PFKFB3: variants seen among roughly 807,000 people sequenced by gnomAD.
PFKFB3 encodes the protein 6-phosphofructo-2-kinase/fructose-2,6-bisphosphatase 3.
A neutral mutation model predicts 68.0 loss-of-function variants in PFKFB3; 33 were observed. The observed-to-expected ratio is 0.49, with a 90% CI of 0.37 to 0.65. The LOEUF is 0.65. PFKFB3 is among the 30% of genes least tolerant of loss of function. The pLI, the probability that PFKFB3 is intolerant of heterozygous loss-of-function variation, is 0.00. For missense variants in PFKFB3, 586 were observed against 712.2 expected, an observed-to-expected ratio of 0.82 and a Z score of 2.02; for synonymous variants, 315 against 288.2, an observed-to-expected ratio of 1.09 and a Z score of -0.94.
chr10:6,213,246 G>T (rs993858784), intron 1 of PFKFB3, among the ~76,000 whole-genome samples: 5 of 152,094 alleles, frequency 3.3e-5, no homozygotes, highest in Non-Finnish European at 7.4e-5. Context: ...TGAAAATTTC[G>T]ATGAATGCTG....
rs900215041 is a variant in PFKFB3 at position 6,203,163 on chromosome 10, C to T, written c.-98C>T. ...ACGCCCGGCCGCGCGCCGGCGCACG[C>T]CCCCCTCTCCTCCTTTGTTCCGGGG... is the stretch of plus-strand genomic sequence containing the variant. On this transcript the variant is annotated 5_prime_UTR_variant, in exon 1 of 15. Transcript: ENST00000379775. 3.3e-6 allele frequency: 5 copies of T among 1,521,782 alleles called. No individual in the cohort carries two copies. The highest frequency in any genetic ancestry group is 5.1e-5 in the East Asian group (2 of 39,218). The allele number at this position is 1,521,782 out of a possible 1,614,324, so 94.3% of individuals were successfully genotyped here.
exon 15 of PFKFB3, chr10:6,254,197 C>G (rs1386628323): frequency 7.6e-6 from 3 of 396,590 alleles, no homozygotes; most frequent in African/African-American, 4.2e-5. Flanking sequence ...AGTGGAATTC[C>G]TGGAAGGGAC....
chr10:6,162,457 C>T (rs969322207), intron 1 of PFKFB3, among the ~76,000 whole-genome samples: 11 of 152,148 alleles, frequency 7.2e-5, no homozygotes, highest in Admixed American at 5.2e-4. Flanking sequence ...TTGAGTGAAA[C>T]ACTTATCAGA....
the PFKFB3 span, among the ~76,000 whole-genome samples, chr10:6,290,665 AC>A: frequency 3.3e-5 from 5 of 151,844 alleles, no homozygotes; most frequent in Admixed American, 1.3e-4. Flanking sequence ...TGCCCAGCTA[AC>A]TTTTTTTTTG....
the PFKFB3 span, among the ~76,000 whole-genome samples, chr10:6,291,888 C>T: frequency 6.6e-6 from 1 of 151,022 alleles, no homozygotes; most frequent in African/African-American, 2.4e-5. Context: ...GAACAATCAT[C>T]ACCATCTCTT....
Position 6,228,111 on chromosome 10 carries a change from G to A in PFKFB3, c.1515+1746G>A, listed in dbSNP as rs966243705. 6.8e-7 allele frequency: 1 copy of A among 1,478,792 alleles called. No homozygotes were observed. Among genetic ancestry groups the A allele is most frequent in the Non-Finnish European group, 9.4e-7 (1 of 1,059,798 alleles). 91.6% of individuals were successfully genotyped at this position (1,478,792 alleles called of 1,614,324 possible). A position where few individuals can be genotyped will look rare whatever the true frequency, so the allele number is the denominator to read the frequency against. ...AGGGACGTCTGAAGCTGCTGGCTGG[G>A]CCGGCGTGGGGTTTTTCAGGGCTTC... On this transcript the variant is annotated intron_variant, in intron 14 of 14. Coordinates refer to ENST00000379775, the MANE Select transcript of PFKFB3 (RefSeq NM_004566.4). The surrounding 1 kb of genome is among the most constrained non-coding windows in gnomAD (Gnocchi z 4.5).
chr10:6,230,447 GATA>G, intron 14 of PFKFB3, among the ~76,000 whole-genome samples: 1 of 152,148 alleles, frequency 6.6e-6, no homozygotes, highest in South Asian at 2.1e-4. Flanking sequence ...GTAATATGGA[GATA>G]ATAACTTCAT....
intron 14 of PFKFB3, among the ~76,000 whole-genome samples, chr10:6,231,943 G>A (rs1407101421): frequency 6.6e-6 from 1 of 152,094 alleles, no homozygotes; most frequent in African/African-American, 2.4e-5. Context: ...TCTGGCCCAC[G>A]CCTGGGCGAT....
chr10:6,221,031 G>A (rs1206781803), intron 8 of PFKFB3, among the ~76,000 whole-genome samples, 166 bp downstream of exon 8: 1 of 87,916 alleles, frequency 1.1e-5, no homozygotes, highest in Non-Finnish European at 3.3e-5. Context: ...GCATATCTGT[G>A]TGCATCTCTG....
chr10:6,164,607 C>A (rs1351715325), intron 1 of PFKFB3, among the ~76,000 whole-genome samples: 1 of 151,964 alleles, frequency 6.6e-6, no homozygotes, highest in African/African-American at 2.4e-5. Context: ...ACTCAGCATA[C>A]GAAGGACCCG....
intron 1 of PFKFB3, among the ~76,000 whole-genome samples, chr10:6,179,127 A>G (rs1252112600): frequency 6.6e-6 from 1 of 152,278 alleles, no homozygotes; most frequent in African/African-American, 2.4e-5. Flanking sequence ...GAAGAAAAAC[A>G]GTGAACACTT....
downstream of PFKFB3, among the ~76,000 whole-genome samples, chr10:6,240,503 A>T (rs1021478262): frequency 2.0e-5 from 3 of 152,026 alleles, no homozygotes; most frequent in Non-Finnish European, 2.9e-5. Context: ...ACCTCAGGTG[A>T]TCCGCCCGCC....
the PFKFB3 span, among the ~76,000 whole-genome samples, chr10:6,288,518 A>G: frequency 1.3e-5 from 2 of 151,620 alleles, no homozygotes; most frequent in Admixed American, 6.6e-5. Flanking sequence ...CCATGTCCCT[A>G]CAAAGGACAT....
At chr10:6,284,777 TAC>T in the PFKFB3 span, among the ~76,000 whole-genome samples, 1,348 of 152,294 alleles carry the variant, frequency 8.9e-3, 26 homozygotes, top group African/African-American at 0.031. Context: ...GCCTCTATGT[TAC>T]ATTCTTTCCC....
intron 1 of PFKFB3, among the ~76,000 whole-genome samples, chr10:6,167,873 A>C (rs1842188785): frequency 6.6e-6 from 1 of 152,180 alleles, no homozygotes; most frequent in Admixed American, 6.5e-5. Flanking sequence ...CCCAGCCCTA[A>C]GCGACACTGT....
At chr10:6,324,581 C>A in the PFKFB3 span, among the ~76,000 whole-genome samples, 1 of 152,228 alleles carries the variant, frequency 6.6e-6, no homozygotes, top group East Asian at 1.9e-4. Context: ...CACCCGCCAC[C>A]ACGACCAGCT....
At chr10:6,145,760 T>C (rs1841367482) in intron 1 of PFKFB3, among the ~76,000 whole-genome samples, 1 of 152,124 alleles carries the variant, frequency 6.6e-6, no homozygotes. Context: ...GGCCCGCTGA[T>C]GAGCGCGGCC....
At chr10:6,185,344 A>G (rs1346693893) in intron 1 of PFKFB3, among the ~76,000 whole-genome samples, 1 of 152,256 alleles carries the variant, frequency 6.6e-6, no homozygotes, top group African/African-American at 2.4e-5. Flanking sequence ...TCACAGTGGC[A>G]GGAGGGTTAG....
At chr10:6,254,235 G>A (rs553956472) in exon 15 of PFKFB3, 71 of 398,442 alleles carry the variant, frequency 1.8e-4, no homozygotes, top group African/African-American at 1.4e-3. Flanking sequence ...GCCCCCTGAA[G>A]GGCAGAGCAT....
Sources: gnomAD v4.1 joint callset for allele counts (sites outside exome capture counted in the v4.1 genomes callset) on GRCh38, gnomAD v4.1.1 for gene constraint, Gnocchi (gnomAD v3.1) non-coding constraint, MANE v1.5 for transcripts, NCBI Gene and HGNC (gene_info 2026-07-23, HGNC 2026-07-21) for gene names.